The following SCAPER variants were observed in gnomAD, a reference collection of about 807,000 sequenced individuals.
The protein encoded by SCAPER is S phase cyclin A-associated protein in the endoplasmic reticulum.
In SCAPER, 98 loss-of-function variants were observed where a neutral mutation model predicts 182.2. The observed-to-expected ratio is 0.54, with a 90% CI of 0.46 to 0.64. SCAPER has a LOEUF of 0.64. SCAPER is among the 30% of genes least tolerant of loss of function. SCAPER has a pLI of 0.00. For missense variants in SCAPER, 1,432 were observed against 1,690.0 expected (o/e 0.85, Z 2.68); for synonymous variants, 605 against 564.6 (o/e 1.07, Z -1.01).
At chr15:76,777,123 C>T (rs886879874) in intron 8 of SCAPER, among the ~76,000 whole-genome samples, 2 of 152,030 alleles carry the variant, frequency 1.3e-5, no homozygotes, top group Non-Finnish European at 2.9e-5. Context: ...ATATTGAAAG[C>T]AGTCAGAAGA....
intron 23 of SCAPER, among the ~76,000 whole-genome samples, chr15:76,538,466 A>G (rs2044404118): frequency 6.6e-6 from 1 of 152,060 alleles, no homozygotes; most frequent in Non-Finnish European, 1.5e-5. Flanking sequence ...TATCGCAAGG[A>G]CAAAAAACCA....
intron 14 of SCAPER, among the ~76,000 whole-genome samples, chr15:76,760,682 C>T (rs1180930038): frequency 6.6e-6 from 1 of 152,130 alleles, no homozygotes; most frequent in Non-Finnish European, 1.5e-5. Context: ...CTCAGCAAAG[C>T]CCAAGGCATT....
intron 22 of SCAPER, among the ~76,000 whole-genome samples, chr15:76,615,603 GAGGTC>G (rs1168514056): frequency 2.0e-5 from 3 of 151,012 alleles, no homozygotes; most frequent in Non-Finnish European, 4.4e-5. Context: ...GGCAGATCAC[GAGGTC>G]AGGAGATTGA....
chr15:76,793,169 AAC>A, intron 8 of SCAPER: 1 of 1,019,198 alleles, frequency 9.8e-7, no homozygotes. Context: ...TATTTTTTAT[AAC>A]ACAAAAATTA....
intron 29 of SCAPER, among the ~76,000 whole-genome samples, chr15:76,374,918 TC>T (rs145757742): frequency 0.024 from 3,704 of 152,096 alleles, 150 homozygotes; most frequent in African/African-American, 0.086. Flanking sequence ...TAACAGATTT[TC>T]CAGCATCTTA....
chr15:76,728,516 A>G lies in SCAPER; in HGVS notation c.2165+79T>C, dbSNP rs956810309. On this transcript the variant is annotated intron_variant, in intron 17 of 31. Coordinates refer to ENST00000563290, the MANE Select transcript of SCAPER (RefSeq NM_020843.4). ...AAACCTCATCTCAAAAAAACTCTAC[A>G]TGACAGTAAATGGCTTTAAGACCTC... 3 of 1,580,772 alleles carry G rather than the reference A, an allele frequency of 1.9e-6. No homozygotes were observed. The South Asian group carries it at 3.4e-5, about 18-fold the overall frequency.
intron 23 of SCAPER, among the ~76,000 whole-genome samples, chr15:76,559,696 C>G (rs936174961): frequency 6.6e-6 from 1 of 152,100 alleles, no homozygotes; most frequent in Non-Finnish European, 1.5e-5. Flanking sequence ...TATGAGTACA[C>G]ATGAACACAA....
At chr15:76,769,442 C>CAAAAA (rs36078656) in intron 10 of SCAPER, among the ~76,000 whole-genome samples, 4 of 69,950 alleles carry the variant, frequency 5.7e-5, no homozygotes, top group Non-Finnish European at 8.4e-5. Context: ...GACTCTGTCT[C>CAAAAA]AAAAAAAAAA....
At chr15:76,689,748 G>A (rs1332225925) in intron 20 of SCAPER, among the ~76,000 whole-genome samples, 1 of 150,070 alleles carries the variant, frequency 6.7e-6, no homozygotes, top group Non-Finnish European at 1.5e-5. Flanking sequence ...AGAAAAGGAA[G>A]AATACCAGAG....
chr15:76,462,294 T>C (rs2049250356), intron 25 of SCAPER, among the ~76,000 whole-genome samples: 1 of 152,190 alleles, frequency 6.6e-6, no homozygotes, highest in African/African-American at 2.4e-5. Flanking sequence ...TTTTCAGGTA[T>C]TTGTTTTCAC....
At chr15:76,839,684 C>G (rs2069278154) in intron 5 of SCAPER, among the ~76,000 whole-genome samples, 1 of 152,160 alleles carries the variant, frequency 6.6e-6, no homozygotes, top group African/African-American at 2.4e-5. Flanking sequence ...TTCTTTTAAT[C>G]TATAACTTAC....
chr15:76,695,962 A>G (rs568243427), intron 20 of SCAPER, among the ~76,000 whole-genome samples: 12 of 152,180 alleles, frequency 7.9e-5, no homozygotes, highest in Non-Finnish European at 1.6e-4. Context: ...TACCAACCCT[A>G]CTGAGGTATT....
At chr15:76,829,472 G>C (rs1259634087) in intron 5 of SCAPER, among the ~76,000 whole-genome samples, 2 of 152,104 alleles carry the variant, frequency 1.3e-5, no homozygotes, top group African/African-American at 4.8e-5. Context: ...CCATGTCCAA[G>C]GAGTATTTGT....
At chr15:76,661,653 A>C (rs1040465052) in intron 21 of SCAPER, among the ~76,000 whole-genome samples, 1 of 152,208 alleles carries the variant, frequency 6.6e-6, no homozygotes, top group African/African-American at 2.4e-5. Flanking sequence ...GCCGGTCAGA[A>C]TAGCGATTAC....
At position 76,816,748 on chromosome 15, in the gene SCAPER, G is replaced by A. The variant is rs549656254; in HGVS notation, c.394-12115C>T. 3.3e-5 allele frequency among the ~76,000 whole-genome samples: 5 copies of A among 151,638 alleles called. 1 individual carries two copies. The South Asian group carries it at 1.0e-3, about 32-fold the overall frequency. On this transcript the variant is annotated intron_variant, in intron 5 of 31. Coordinates refer to ENST00000563290, the MANE Select transcript of SCAPER (RefSeq NM_020843.4). Reference sequence around the variant, plus strand: ...GCTCACTGCAAGCTCCACCTCCCAGGTTCACACCAGTCTCCTGCCTCAGCC... The same window carrying A: ...GCTCACTGCAAGCTCCACCTCCCAGATTCACACCAGTCTCCTGCCTCAGCC...
chr15:76,887,733 T>C (rs1171082522), intron 1 of SCAPER, among the ~76,000 whole-genome samples: 1 of 152,212 alleles, frequency 6.6e-6, no homozygotes, highest in African/African-American at 2.4e-5. Flanking sequence ...AGGGCATAGC[T>C]GAACAAAAAG....
At position 76,502,686 on chromosome 15, in the gene SCAPER, C is replaced by T. The variant is rs150746845; in HGVS notation, c.2954+2173G>A. On this transcript the variant is annotated intron_variant, in intron 24 of 31. Transcript: ENST00000563290. ...TGTATACATATGTAACAAACCTGCA[C>T]GTTGTGCACATGTACCCTAGAACTT... Among the ~76,000 whole-genome samples the T allele has an allele frequency of 8.2e-3, 1,244 of 152,190 alleles. 12 individuals carry two copies. Among genetic ancestry groups the T allele is most frequent in the African/African-American group, 0.028 (1,180 of 41,514 alleles).
intron 5 of SCAPER, among the ~76,000 whole-genome samples, chr15:76,825,960 G>A (rs182483913): frequency 6.6e-6 from 1 of 152,096 alleles, no homozygotes; most frequent in Non-Finnish European, 1.5e-5. Context: ...GGTCAGGCTG[G>A]TCTCGAACTC....
chr15:76,622,899 C>A (rs888515934), intron 21 of SCAPER, among the ~76,000 whole-genome samples: 1 of 152,212 alleles, frequency 6.6e-6, no homozygotes, highest in Non-Finnish European at 1.5e-5. Flanking sequence ...TGAAAGGTGG[C>A]TGGATCACAG....
Sources: allele counts gnomAD v4.1 joint callset (sites outside exome capture counted in the v4.1 genomes callset), GRCh38; gene constraint gnomAD v4.1.1; transcripts MANE v1.5; gene names NCBI Gene and HGNC (gene_info 2026-07-23, HGNC 2026-07-21).